ACACB: variants seen among roughly 807,000 people sequenced by gnomAD.
ACACB encodes acetyl-CoA carboxylase 2.
Under a neutral mutation model 278.8 loss-of-function variants are expected in ACACB, and 209 were observed. That is an observed-to-expected ratio of 0.75 (90% CI 0.67 to 0.84). The LOEUF (loss-of-function observed/expected upper bound fraction) is 0.84. Among genes scored for constraint, ACACB ranks in the 40% least tolerant of loss-of-function variants. The probability of loss-of-function intolerance (pLI) is 0.00; values close to 1 mark genes in which losing one functional copy is unlikely to be tolerated. For missense variants in ACACB, 2,850 were observed against 3,269.0 expected (o/e 0.87, Z 3.13); for synonymous variants, 1,174 against 1,285.6 (o/e 0.91, Z 1.86).
intron 2 of ACACB, among the ~76,000 whole-genome samples, chr12:109,151,785 A>ACCG (rs2043382254): frequency 6.6e-6 from 1 of 152,202 alleles, no homozygotes; most frequent in African/African-American, 2.4e-5. Context: ...GACAGCAACT[A>ACCG]CCACCATGCT....
chr12:109,217,230 C>T (rs1253781896), intron 24 of ACACB, among the ~76,000 whole-genome samples: 6 of 152,026 alleles, frequency 3.9e-5, no homozygotes, highest in Admixed American at 6.6e-5. Flanking sequence ...TGCAGTGAGC[C>T]GAGATTGTGC....
At position 109,262,101 on chromosome 12, in the gene ACACB, G is replaced by A. The variant is rs148628339; in HGVS notation, c.6675-256G>A. On this transcript the variant is annotated intron_variant, in intron 48 of 52. Coordinates refer to ENST00000338432, the MANE Select transcript of ACACB (RefSeq NM_001093.4). ...GAAAAAGTCGTACACTCTTAGACCT[G>A]AAAGGGGCCCTCCAGAGTTCAGAAA... Among the ~76,000 whole-genome samples, 546 of 152,214 alleles carry A rather than the reference G, an allele frequency of 3.6e-3. 5 individuals carry two copies. The highest frequency in any genetic ancestry group is 0.013 in the African/African-American group (530 of 41,524).
At chr12:109,223,601 GAC>G (rs1341070507) in intron 26 of ACACB, among the ~76,000 whole-genome samples, 1 of 151,968 alleles carries the variant, frequency 6.6e-6, no homozygotes, top group African/African-American at 2.4e-5. Flanking sequence ...ACAAAAAATA[GAC>G]ACACAAAAAA....
upstream of ACACB, among the ~76,000 whole-genome samples, chr12:109,115,808 C>G (rs557462616): frequency 2.0e-5 from 3 of 152,244 alleles, no homozygotes; most frequent in Non-Finnish European, 2.9e-5. Flanking sequence ...GCACAGATCC[C>G]GTGCTCAGCG....
chr12:109,202,149 G>A (rs2045354446), intron 19 of ACACB, among the ~76,000 whole-genome samples: 1 of 152,054 alleles, frequency 6.6e-6, no homozygotes, highest in Admixed American at 6.6e-5. Flanking sequence ...CTCAATGAGG[G>A]CATTCTTGAC....
In ACACB at chr12:109,179,226, C is replaced by T. The variant is rs1170701780; in HGVS notation, c.1576C>T (p.Arg526Trp). ...TGGTCGCGACTGCTCCATCCAGCGG[C>T]GGCATCAGAAGATCGTTGAGGAAGC... is the stretch of plus-strand genomic sequence containing the variant. Reference protein sequence around the residue: ...LFGRDCSIQRRHQKIVEEAPA... With the variant: ...LFGRDCSIQRWHQKIVEEAPA... The change falls in exon 10 of 53, where the codon CGG becomes TGG. Residue 526 changes from arginine to tryptophan, a missense_variant. Arg to Trp is a moderately radical substitution (Grantham distance 101). Transcript: ENST00000338432. 3 of 1,613,932 alleles carry T rather than the reference C, an allele frequency of 1.9e-6. No homozygotes were observed. The highest frequency in any genetic ancestry group is 2.5e-6 in the Non-Finnish European group (3 of 1,180,028).
intron 35 of ACACB, 66 bp downstream of exon 35, chr12:109,240,051 G>T: frequency 6.5e-7 from 1 of 1,545,226 alleles, no homozygotes; most frequent in South Asian, 1.2e-5. Context: ...GCTGCTTTGG[G>T]GTATTGTCTC....
In ACACB at chr12:109,168,002, T is replaced by C. The variant is rs1408035343; in HGVS notation, c.893T>C (p.Met298Thr). The change falls in exon 4 of 53, where the codon ATG becomes ACG. Residue 298 changes from methionine to threonine, a missense_variant. Met to Thr is a moderately conservative substitution (Grantham distance 81). Around this residue, in one of 3 missense-constraint regions of ACACB, gnomAD observed 2,265 missense variants for 2,561.3 expected, o/e 0.88. Coordinates refer to ENST00000338432, the MANE Select transcript of ACACB (RefSeq NM_001093.4). ...GAGCGGGCCATCCGGTTTGTTGTGA[T>C]GGTGACCCCCGAGGACCTTAAGGCC... ...RNERAIRFVV[M>T]VTPEDLKANA... 1.2e-6 allele frequency: 2 copies of C among 1,613,558 alleles called. No homozygotes were observed. The highest frequency in any genetic ancestry group is 3.3e-5 in the Admixed American group (2 of 59,976).
chr12:109,211,254 G>C (rs2045838477), intron 21 of ACACB, among the ~76,000 whole-genome samples: 1 of 151,426 alleles, frequency 6.6e-6, no homozygotes, highest in Non-Finnish European at 1.5e-5. Flanking sequence ...AAGAAAGAAA[G>C]AATACTGATT....
In ACACB at chr12:109,209,870, TAC is replaced by T. The variant is rs796952306; in HGVS notation, c.3249+524_3249+525del. Among the ~76,000 whole-genome samples, 487 of 128,024 alleles carry T rather than the reference TAC, an allele frequency of 3.8e-3. 57 individuals are homozygous for T. Among genetic ancestry groups the T allele is most frequent in the Middle Eastern group, 0.013 (3 of 234 alleles). 84.0% of individuals were successfully genotyped at this position (128,024 alleles called of 152,430 possible). ...GTGTGTATATATGTATATACACACA[TAC>T]ACACACGTGTGTATATATGTATATA... is the stretch of plus-strand genomic sequence containing the variant. On this transcript the variant is annotated intron_variant, in intron 21 of 52. Transcript: ENST00000338432.
chr12:109,235,467 A>G (rs2046607044), intron 32 of ACACB, 98 bp downstream of exon 32: 1 of 1,452,910 alleles, frequency 6.9e-7, no homozygotes, highest in Admixed American at 1.7e-5. Context: ...GGTGAAAGAG[A>G]TCATTAGAAA....
chr12:109,139,534 G>A lies in ACACB; in HGVS notation c.129G>A (p.Pro43=), dbSNP rs146888683. Residue 43 remains proline (P), a synonymous_variant, in exon 2 of 53, where the codon CCG becomes CCA. Coordinates refer to ENST00000338432, the MANE Select transcript of ACACB (RefSeq NM_001093.4). ...GTAAATCAGAAGCAAACCTCATCCC[G>A]AGCCAGGAGCCCTTTCCAGCCTCTG... The part of the protein sequence containing the change: ...TKSKSEANLI[P]SQEPFPASDN... 2.1e-5 allele frequency: 34 copies of A among 1,613,832 alleles called. No individual in the cohort carries two copies. Among genetic ancestry groups the A allele is most frequent in the East Asian group, 1.1e-4 (5 of 44,890 alleles).
At chr12:109,254,459 G>A in intron 44 of ACACB, 125 bp downstream of exon 44, 1 of 965,586 alleles carries the variant, frequency 1.0e-6, no homozygotes, top group Non-Finnish European at 1.5e-6. Flanking sequence ...ATCCCAGAGA[G>A]GTATACCTGA....
rs909329391 is a variant in ACACB, at chr12:109,264,512, G to A, written c.6942+126G>A. The A allele has an allele frequency of 4.2e-5, 52 of 1,234,364 alleles. No individual in the cohort carries two copies. The African/African-American group carries it at 7.3e-4, about 17-fold the overall frequency. The allele number at this position is 1,234,364 out of a possible 1,614,324, so 76.5% of individuals were successfully genotyped here. On this transcript the variant is annotated intron_variant, in intron 50 of 52. Transcript: ENST00000338432. Reference sequence around the variant, plus strand: ...GGATGGGTCAAATGCTGCAGGAGGTGGGAGTCACCTGGGAACTTTAAAATA... The same window carrying A: ...GGATGGGTCAAATGCTGCAGGAGGTAGGAGTCACCTGGGAACTTTAAAATA...
chr12:109,128,845 C>T (rs56178318), intron 1 of ACACB, among the ~76,000 whole-genome samples: 1 of 151,596 alleles, frequency 6.6e-6, no homozygotes, highest in African/African-American at 2.4e-5. Context: ...GCTATGTTAC[C>T]CAGGCTGGTC....
intron 31 of ACACB, among the ~76,000 whole-genome samples, chr12:109,234,410 G>A (rs1311289374): frequency 6.6e-6 from 1 of 152,144 alleles, no homozygotes; most frequent in East Asian, 1.9e-4. Flanking sequence ...TGATGACCAA[G>A]TGTGCCAATA....
intron 32 of ACACB, 99 bp from the exon 33 acceptor site, chr12:109,235,507 G>T: frequency 7.1e-7 from 1 of 1,412,606 alleles, no homozygotes. Context: ...ATTCATTCTA[G>T]AAGTGAATGT....
In ACACB at chr12:109,139,625, G is replaced by C. The variant is rs1342223412; in HGVS notation, c.220G>C (p.Ala74Pro). 2 of 1,613,894 alleles carry C rather than the reference G, an allele frequency of 1.2e-6. No homozygotes were observed. The highest frequency in any genetic ancestry group is 2.7e-5 in the African/African-American group (2 of 74,880). ...GHTLPKTPSQ[A>P]EPASHKGPKD... ...CACTCTGCCCAAGACACCCAGCCAG[G>C]CCGAGCCAGCCTCCCACAAAGGCCC... The change falls in exon 2 of 53, where the codon GCC (alanine) becomes CCC (proline). Residue 74 changes from alanine to proline, a missense_variant. Physicochemically the swap from Ala to Pro is conservative, Grantham distance 27 (BLOSUM62 -1). Around this residue, in one of 3 missense-constraint regions of ACACB, gnomAD observed 2,265 missense variants for 2,561.3 expected, o/e 0.88. Coordinates refer to ENST00000338432, the MANE Select transcript of ACACB (RefSeq NM_001093.4).
chr12:109,218,432 C>T (rs1024443945), intron 24 of ACACB, among the ~76,000 whole-genome samples: 1 of 152,128 alleles, frequency 6.6e-6, no homozygotes, highest in Non-Finnish European at 1.5e-5. Context: ...CTATGTTTCC[C>T]AGTCTTGTCT....
Sources: gnomAD v4.1 joint callset for allele counts (sites outside exome capture counted in the v4.1 genomes callset) on GRCh38, gnomAD v4.1.1 for gene constraint, gnomAD v4.1.1 regional missense constraint, MANE v1.5 for transcripts, NCBI Gene and HGNC (gene_info 2026-07-23, HGNC 2026-07-21) for gene names.